The following CFAP91 variants were observed in gnomAD, a reference collection of about 807,000 sequenced individuals.
CFAP91 encodes the protein cilia- and flagella-associated protein 91.
A neutral mutation model predicts 95.9 loss-of-function variants in CFAP91; 85 were observed. The ratio of observed to expected loss-of-function variants is 0.89; its 90% CI spans 0.74 to 1.06. The LOEUF is 1.06. CFAP91 is among the 50% of genes least tolerant of loss of function. The probability of loss-of-function intolerance (pLI) is 0.00; values close to 1 mark genes in which losing one functional copy is unlikely to be tolerated. For synonymous variants in CFAP91, 335 were observed against 327.5 expected (o/e 1.02, Z -0.25); for missense variants, 962 against 943.4 (o/e 1.02, Z -0.26).
chr3:119,709,738 A>G, intron 4 of CFAP91, 101 bp from the exon 5 acceptor site: 1 of 870,140 alleles, frequency 1.1e-6, no homozygotes, highest in Non-Finnish European at 1.9e-6. Context: ...GGGATATTTA[A>G]GCTCACTGAT....
intron 10 of CFAP91, among the ~76,000 whole-genome samples, chr3:119,736,948 TGCCTCA>T (rs1272840728): frequency 2.6e-5 from 4 of 152,120 alleles, no homozygotes; most frequent in Admixed American, 2.6e-4. Context: ...GTGATTCTCC[TGCCTCA>T]GCCTCCCGAG....
At chr3:119,721,579 C>T (rs1352974588) in intron 6 of CFAP91, among the ~76,000 whole-genome samples, 2 of 152,132 alleles carry the variant, frequency 1.3e-5, no homozygotes, top group African/African-American at 2.4e-5. Context: ...TGGTATTTAG[C>T]TCGTGGGACA....
chr3:119,740,790 T>C lies in CFAP91; in HGVS notation c.1680+95T>C, dbSNP rs1217068841. The stretch of plus-strand genomic sequence containing the variant: ...ACCATTATAATAAAAATTAATGAAA[T>C]GATGAAAAAGAAACAGCCCCACAAT... On this transcript the variant is annotated intron_variant, in intron 13 of 17. Transcript: ENST00000273390. 2.1e-6 allele frequency: 3 copies of C among 1,421,130 alleles called. No individual in the cohort carries two copies. In the African/African-American group the frequency reaches 4.3e-5, roughly 20 times the overall value. 88.0% of individuals were successfully genotyped at this position (1,421,130 alleles called of 1,614,324 possible). A position where few individuals can be genotyped will look rare whatever the true frequency, so the allele number is the denominator to read the frequency against.
intron 7 of CFAP91, among the ~76,000 whole-genome samples, chr3:119,726,766 T>G (rs1469629981): frequency 4.0e-5 from 6 of 151,818 alleles, no homozygotes; most frequent in African/African-American, 1.2e-4. Flanking sequence ...GTGCCTGGGC[T>G]TTCTTCATAC....
chr3:119,729,691 G>C (rs938042695), intron 7 of CFAP91, among the ~76,000 whole-genome samples: 2 of 152,110 alleles, frequency 1.3e-5, no homozygotes, highest in Non-Finnish European at 2.9e-5. Context: ...TGGAGGTACA[G>C]ATAACAGTCA....
intron 6 of CFAP91, among the ~76,000 whole-genome samples, chr3:119,722,716 A>T (rs754178588): frequency 6.6e-6 from 1 of 152,072 alleles, no homozygotes; most frequent in African/African-American, 2.4e-5. Flanking sequence ...GCTGGTCTCC[A>T]ATTCTTGGAC....
At chr3:119,756,411 TTGTC>T (rs2054429097) in intron 17 of CFAP91, among the ~76,000 whole-genome samples, 1 of 152,274 alleles carries the variant, frequency 6.6e-6, no homozygotes, top group East Asian at 1.9e-4. Context: ...CTAATAAAAT[TTGTC>T]ACTAGGAGAT....
chr3:119,734,299 A>G (rs143549077), intron 10 of CFAP91, among the ~76,000 whole-genome samples: 2 of 152,216 alleles, frequency 1.3e-5, no homozygotes, highest in African/African-American at 4.8e-5. Flanking sequence ...ATTGATGGGA[A>G]CCTATCCTCA....
In CFAP91 at chr3:119,734,421, C is replaced by T. The variant is rs1322451946; in HGVS notation, c.1344+915C>T. On this transcript the variant is annotated intron_variant, in intron 10 of 17. Coordinates refer to ENST00000273390, the MANE Select transcript of CFAP91 (RefSeq NM_033364.4). ...GAATGCTGTGTTCATCATTCTGTCA[C>T]TTTCTGTTAAGATTTTTTTATAGAT... Among the ~76,000 whole-genome samples, 7 of 151,954 alleles carry T rather than the reference C, an allele frequency of 4.6e-5. No homozygotes were observed. In the East Asian group the frequency reaches 1.2e-3, roughly 25 times the overall value.
At chr3:119,706,120 A>G (rs1180125311) in intron 1 of CFAP91, 1 of 152,198 alleles carries the variant, frequency 6.6e-6, no homozygotes, top group Non-Finnish European at 1.5e-5. Context: ...GCTGCTTGTT[A>G]ATTTAATGGC....
At position 119,734,435 on chromosome 3, in the gene CFAP91, T is replaced by A. The variant is rs565729628; in HGVS notation, c.1344+929T>A. 1.1e-4 allele frequency among the ~76,000 whole-genome samples: 16 copies of A among 147,474 alleles called. No individual in the cohort carries two copies. The South Asian group carries it at 3.6e-3, about 33-fold the overall frequency. On this transcript the variant is annotated intron_variant, in intron 10 of 17. Coordinates refer to ENST00000273390, the MANE Select transcript of CFAP91 (RefSeq NM_033364.4). ...TCATTCTGTCACTTTCTGTTAAGAT[T>A]TTTTTATAGATTCTTTTTATTAGGT...
chr3:119,728,902 G>A (rs1260318535), intron 7 of CFAP91, among the ~76,000 whole-genome samples: 1 of 152,118 alleles, frequency 6.6e-6, no homozygotes, highest in Admixed American at 6.6e-5. Flanking sequence ...CTCCTTGTGC[G>A]GGAAATGTCG....
At chr3:119,761,378 T>G (rs2054534873) in intron 17 of CFAP91, among the ~76,000 whole-genome samples, 1 of 151,728 alleles carries the variant, frequency 6.6e-6, no homozygotes, top group Admixed American at 6.6e-5. Flanking sequence ...AAGACTCTCA[T>G]CAAAGAAAAT....
chr3:119,751,150 C>T (rs1156461602), intron 17 of CFAP91, 52 bp downstream of exon 17: 8 of 1,541,964 alleles, frequency 5.2e-6, no homozygotes, highest in Non-Finnish European at 7.0e-6. Context: ...AGAAAAGCGG[C>T]ATTGTTCAGC....
chr3:119,739,422 C>T, intron 12 of CFAP91, 96 bp downstream of exon 12: 2 of 1,091,400 alleles, frequency 1.8e-6, no homozygotes, highest in Non-Finnish European at 1.4e-6. Context: ...ATCCCTTTTG[C>T]ACCCTGCTAT....
Position 119,740,648 on chromosome 3 carries a change from C to T in CFAP91, c.1633C>T (p.Gln545Ter), listed in dbSNP as rs757703206. 9 of 1,614,216 alleles carry T rather than the reference C, an allele frequency of 5.6e-6. No homozygotes were observed. In the Admixed American group the frequency reaches 8.3e-5, roughly 15 times the overall value. Residue 545 changes from glutamine to a stop codon, truncating the protein, a stop_gained, in exon 13 of 18, where the codon CAA (glutamine) becomes TAA (stop). Transcript: ENST00000273390. LOFTEE classifies it high-confidence loss of function. Reference sequence around the variant, plus strand: ...AAAGCTGGTGAAAAAAGCCGAGAAGCAAGTGACCCTGGCCTTACAGCGGCA... The same window carrying T: ...AAAGCTGGTGAAAAAAGCCGAGAAGTAAGTGACCCTGGCCTTACAGCGGCA... ...DEKLVKKAEK[Q>*]VTLALQRQRN...
intron 10 of CFAP91, among the ~76,000 whole-genome samples, chr3:119,734,468 G>GTTCCC (rs3030874): frequency 0.97 from 147,132 of 152,040 alleles, 71,382 homozygotes; most frequent in Middle Eastern, 1. Context: ...GGTTACGGAA[G>GTTCCC]TTCTCTTCTT....
chr3:119,756,988 A>C (rs1004560937), intron 17 of CFAP91, among the ~76,000 whole-genome samples: 1 of 152,216 alleles, frequency 6.6e-6, no homozygotes, highest in Admixed American at 6.5e-5. Context: ...ATACTAAATT[A>C]TATGCTGCTT....
At position 119,715,628 on chromosome 3, in the gene CFAP91, G is replaced by C; in HGVS notation, c.567G>C (p.Val189=). 6.2e-7 allele frequency: 1 copy of C among 1,613,554 alleles called. No individual in the cohort carries two copies. The highest frequency in any genetic ancestry group is 1.1e-5 in the South Asian group (1 of 91,064). Residue 189 remains valine (V), a synonymous_variant, in exon 6 of 18, where the codon GTG becomes GTC. Transcript: ENST00000273390. ...KHLSIPSKST[V]GTQTDYRDAD... is the part of the protein sequence containing the mutation. ...TATCCATCCCTTCAAAGTCTACTGTGGGCACTCAGACTGATTATCGGGATG... is the reference window on the plus strand; with the variant it reads ...TATCCATCCCTTCAAAGTCTACTGTCGGCACTCAGACTGATTATCGGGATG...
Sources: allele counts gnomAD v4.1 joint callset (sites outside exome capture counted in the v4.1 genomes callset), GRCh38; gene constraint gnomAD v4.1.1; transcripts MANE v1.5; gene names NCBI Gene and HGNC (gene_info 2026-07-23, HGNC 2026-07-21).